Variants in CSMD3 observed in about 807,000 individuals in gnomAD.
CSMD3 encodes the protein CUB and Sushi multiple domains 3.
A neutral mutation model predicts 435.2 loss-of-function variants in CSMD3; 177 were observed. The observed-to-expected ratio is 0.41, with a 90% CI of 0.36 to 0.46. The LOEUF (loss-of-function observed/expected upper bound fraction) is 0.46. CSMD3 is among the 20% of genes least tolerant of loss of function. The pLI is 0.34. For synonymous variants in CSMD3, 1,656 were observed against 1,520.5 expected (o/e 1.09, Z -2.07); for missense variants, 4,265 against 4,504.6 (o/e 0.95, Z 1.52).
intron 5 of CSMD3, among the ~76,000 whole-genome samples, chr8:113,023,366 C>T (rs1222172561): frequency 6.6e-6 from 1 of 151,980 alleles, no homozygotes; most frequent in Admixed American, 6.6e-5. Context: ...CTCTTTTTCA[C>T]AATTCTCCCA....
At chr8:113,334,229 C>A (rs1588538368) in intron 1 of CSMD3, among the ~76,000 whole-genome samples, 2 of 147,136 alleles carry the variant, frequency 1.4e-5, no homozygotes, top group African/African-American at 5.0e-5. Context: ...TCAGGGGGTA[C>A]ATGTACTGTA....
rs1349934700 is a variant in CSMD3 at position 113,010,477 on chromosome 8, A to G, written c.1030+8590T>C. On this transcript the variant is annotated intron_variant, in intron 6 of 70. Coordinates refer to ENST00000297405, the MANE Select transcript of CSMD3 (RefSeq NM_198123.2). ...AATGATCTATCATTTTATCAGTTTA[A>G]TAATTACCAAGTACTACATTTGAAC... Among the ~76,000 whole-genome samples, 8 of 151,854 alleles carry G rather than the reference A, an allele frequency of 5.3e-5. No homozygotes were observed. The Admixed American group carries it at 5.3e-4, about 10-fold the overall frequency.
At chr8:112,490,392 A>C (rs1194145316) in intron 31 of CSMD3, among the ~76,000 whole-genome samples, 7 of 152,104 alleles carry the variant, frequency 4.6e-5, no homozygotes, top group African/African-American at 1.7e-4. Context: ...ATCCTATAAA[A>C]TGGTTTTGGC....
At chr8:113,388,912 T>G (rs2094450164) in intron 1 of CSMD3, among the ~76,000 whole-genome samples, 1 of 151,632 alleles carries the variant, frequency 6.6e-6, no homozygotes, top group African/African-American at 2.4e-5. Context: ...TGGGAATAAT[T>G]AAAACATGAG....
intron 1 of CSMD3, among the ~76,000 whole-genome samples, chr8:113,358,558 G>A (rs9650051): frequency 6.6e-6 from 1 of 151,964 alleles, no homozygotes; most frequent in African/African-American, 2.4e-5. Context: ...TCACCATAAT[G>A]ATTAGGCTGG....
At chr8:112,417,854 G>C (rs975054207) in intron 32 of CSMD3, among the ~76,000 whole-genome samples, 1 of 151,972 alleles carries the variant, frequency 6.6e-6, no homozygotes, top group Non-Finnish European at 1.5e-5. Flanking sequence ...CCACATAGAA[G>C]GAAGTCGGTG....
At chr8:113,138,810 AGTGTGTGTGT>A (rs34755068) in intron 4 of CSMD3, among the ~76,000 whole-genome samples, 58 of 145,742 alleles carry the variant, frequency 4.0e-4, no homozygotes, top group Middle Eastern at 3.5e-3. Context: ...TAAACGTGTT[AGTGTGTGTGT>A]GTGTGTGTGT....
At position 113,378,025 on chromosome 8, in the gene CSMD3, T is replaced by C. The variant is rs575944176; in HGVS notation, c.178+58652A>G. ...TAAATACACAAATAAATAAGGCTGA[T>C]ACAATGATTACAGCTCTTTAAATAG... On this transcript the variant is annotated intron_variant, in intron 1 of 70. Transcript: ENST00000297405. Among the ~76,000 whole-genome samples the C allele has an allele frequency of 2.6e-5, 4 of 152,316 alleles. No homozygotes were observed. In the East Asian group the frequency reaches 7.7e-4, roughly 29 times the overall value.
chr8:112,285,058 T>C (rs1450594461), intron 58 of CSMD3, among the ~76,000 whole-genome samples: 2 of 152,086 alleles, frequency 1.3e-5, no homozygotes, highest in African/African-American at 2.4e-5. Context: ...TCTACTAAAA[T>C]CTGTTTGTGT....
chr8:113,087,509 G>A (rs1293147876), intron 5 of CSMD3, among the ~76,000 whole-genome samples: 1 of 152,138 alleles, frequency 6.6e-6, no homozygotes, highest in Non-Finnish European at 1.5e-5. Flanking sequence ...ACAAAACAGA[G>A]ATATAGATCA....
At chr8:113,040,750 A>G (rs1485046958) in intron 5 of CSMD3, among the ~76,000 whole-genome samples, 3 of 152,118 alleles carry the variant, frequency 2.0e-5, no homozygotes, top group Non-Finnish European at 4.4e-5. Flanking sequence ...TTGATATCAA[A>G]TACACAGGTG....
chr8:113,190,352 A>C (rs2092566645), intron 3 of CSMD3, among the ~76,000 whole-genome samples: 1 of 151,942 alleles, frequency 6.6e-6, no homozygotes, highest in South Asian at 2.1e-4. Context: ...AATGTTAAAG[A>C]GAAATATAAA....
At chr8:112,951,054 T>C (rs1022620315) in intron 8 of CSMD3, among the ~76,000 whole-genome samples, 1 of 151,914 alleles carries the variant, frequency 6.6e-6, no homozygotes, top group Non-Finnish European at 1.5e-5. Flanking sequence ...AGAGCTTCTG[T>C]GTGGTACGTG....
chr8:112,312,511 C>T (rs1241611443), intron 49 of CSMD3, among the ~76,000 whole-genome samples: 2 of 152,148 alleles, frequency 1.3e-5, no homozygotes, highest in Non-Finnish European at 2.9e-5. Flanking sequence ...TCGCCTCAGC[C>T]TCCCAAAGTG....
chr8:112,530,991 G>A (rs947374072), intron 27 of CSMD3, among the ~76,000 whole-genome samples: 2 of 152,110 alleles, frequency 1.3e-5, no homozygotes, highest in Non-Finnish European at 2.9e-5. Flanking sequence ...GAAGGCTGTG[G>A]GCTTATGATG....
chr8:112,244,096 C>T (rs952048813), intron 65 of CSMD3, among the ~76,000 whole-genome samples: 14 of 151,974 alleles, frequency 9.2e-5, no homozygotes, highest in South Asian at 2.1e-4. Flanking sequence ...TATGTTAAGC[C>T]GCCCAGCCTA....
intron 5 of CSMD3, among the ~76,000 whole-genome samples, chr8:113,098,166 A>G (rs1468908298): frequency 1.3e-5 from 2 of 152,048 alleles, no homozygotes; most frequent in Admixed American, 1.3e-4. Context: ...GTGTTTACCT[A>G]TCTCTTTCCT....
intron 17 of CSMD3, among the ~76,000 whole-genome samples, chr8:112,658,260 C>T (rs1273227226): frequency 3.3e-5 from 5 of 152,082 alleles, no homozygotes; most frequent in Admixed American, 6.6e-5. Context: ...TCATACTTGC[C>T]AGTCTTTTGC....
At chr8:112,975,766 TA>T in intron 7 of CSMD3, 70 bp downstream of exon 7, 1 of 1,608,408 alleles carries the variant, frequency 6.2e-7, no homozygotes, top group Non-Finnish European at 8.5e-7. Context: ...GCTCATTCTC[TA>T]ATTAGAATCA....
Sources: allele counts gnomAD v4.1 joint callset (sites outside exome capture counted in the v4.1 genomes callset), GRCh38; gene constraint gnomAD v4.1.1; transcripts MANE v1.5; gene names NCBI Gene and HGNC (gene_info 2026-07-23, HGNC 2026-07-21).